GRM8: variants seen among roughly 807,000 people sequenced by gnomAD.
GRM8 encodes the protein metabotropic glutamate receptor 8.
A neutral mutation model predicts 87.2 loss-of-function variants in GRM8; 47 were observed. That is an observed-to-expected ratio of 0.54 (90% confidence interval 0.43 to 0.69). The LOEUF is 0.69. Ranked by LOEUF, GRM8 falls within the 30% of genes least tolerant of loss-of-function variation. GRM8 has a pLI of 0.00. For synonymous variants in GRM8, 396 were observed against 404.5 expected (o/e 0.98, Z 0.25); for missense variants, 1,019 against 1,139.2 (o/e 0.89, Z 1.52).
intron 7 of GRM8, among the ~76,000 whole-genome samples, chr7:126,681,336 C>G (rs1163957888): frequency 6.6e-6 from 1 of 152,202 alleles, no homozygotes; most frequent in Non-Finnish European, 1.5e-5. Flanking sequence ...CTCTGACCCC[C>G]TTCTAAGAGT....
chr7:126,864,848 T>G (rs1191359453), intron 6 of GRM8, among the ~76,000 whole-genome samples: 1 of 152,146 alleles, frequency 6.6e-6, no homozygotes, highest in African/African-American at 2.4e-5. Context: ...TGGTCTCTTC[T>G]GCTGGGACCC....
At chr7:126,900,707 A>T (rs997389614) in intron 6 of GRM8, among the ~76,000 whole-genome samples, 3 of 152,114 alleles carry the variant, frequency 2.0e-5, no homozygotes, top group Admixed American at 2.0e-4. Context: ...ATGGGTTTTC[A>T]CCATGTTGCC....
intron 7 of GRM8, among the ~76,000 whole-genome samples, chr7:126,710,173 C>T (rs1405410115): frequency 6.6e-6 from 1 of 152,162 alleles, no homozygotes; most frequent in Non-Finnish European, 1.5e-5. Flanking sequence ...TCTGAGGCTT[C>T]AGCAAATCAT....
At chr7:127,159,446 T>G (rs1163323694) in intron 2 of GRM8, among the ~76,000 whole-genome samples, 1 of 152,142 alleles carries the variant, frequency 6.6e-6, no homozygotes. Flanking sequence ...ACAAGGCAAC[T>G]ACTAACTTTA....
Position 126,904,442 on chromosome 7 carries a change from G to A in GRM8, c.863+106C>T, listed in dbSNP as rs919926961. ...AGATTTACAAACTAGAAGGCAGTCTGTTATTGGAAGGCAATTACAAGCTTT... is the reference window on the plus strand; with the variant it reads ...AGATTTACAAACTAGAAGGCAGTCTATTATTGGAAGGCAATTACAAGCTTT... On this transcript the variant is annotated intron_variant, in intron 4 of 10. Transcript: ENST00000339582. 3.6e-6 allele frequency: 4 copies of A among 1,096,890 alleles called. No homozygotes were observed. The Admixed American group carries it at 8.2e-5, about 23-fold the overall frequency. 67.9% of individuals were successfully genotyped at this position (1,096,890 alleles called of 1,614,324 possible). A position where few individuals can be genotyped will look rare whatever the true frequency, so the allele number is the denominator to read the frequency against.
rs75382946 is a variant in GRM8 at position 127,072,051 on chromosome 7, C to G, written c.727+34445G>C. Among the ~76,000 whole-genome samples, 1,143 of 150,842 alleles carry G rather than the reference C, an allele frequency of 7.6e-3. 11 individuals are homozygous for G. The highest frequency in any genetic ancestry group is 0.027 in the Admixed American group (410 of 15,160). On this transcript the variant is annotated intron_variant, in intron 3 of 10. Transcript: ENST00000339582. ...CTTACTCAAGCTGTCTTCAGTGCCG[C>G]TCTTCTTCCCACCGAGACATGGTGA...
At chr7:126,929,324 T>C (rs1429697997) in intron 3 of GRM8, among the ~76,000 whole-genome samples, 1 of 152,240 alleles carries the variant, frequency 6.6e-6, no homozygotes, top group Non-Finnish European at 1.5e-5. Context: ...GACCACATTC[T>C]ATAGCTGTGC....
intron 3 of GRM8, among the ~76,000 whole-genome samples, chr7:127,092,055 C>T (rs1484052271): frequency 7.7e-6 from 1 of 129,320 alleles, no homozygotes; most frequent in African/African-American, 3.0e-5. Context: ...TGGTCATCAC[C>T]TCGCCCCACT....
intron 7 of GRM8, among the ~76,000 whole-genome samples, chr7:126,689,853 C>T (rs1329989689): frequency 6.6e-6 from 1 of 152,216 alleles, no homozygotes; most frequent in Non-Finnish European, 1.5e-5. Context: ...TGCTACTGGA[C>T]TCAGAGAGGC....
intron 8 of GRM8, among the ~76,000 whole-genome samples, chr7:126,571,854 C>A (rs1156261324): frequency 6.6e-6 from 1 of 151,776 alleles, no homozygotes; most frequent in Non-Finnish European, 1.5e-5. Flanking sequence ...GATACTCCTG[C>A]CTCAGCCTCC....
At chr7:126,964,794 C>A in intron 3 of GRM8, among the ~76,000 whole-genome samples, 1 of 152,290 alleles carries the variant, frequency 6.6e-6, no homozygotes, top group East Asian at 1.9e-4. Context: ...TTTGACCCAG[C>A]AATTCCATTA....
intron 3 of GRM8, among the ~76,000 whole-genome samples, chr7:127,045,367 C>A (rs934873944): frequency 6.6e-6 from 1 of 150,428 alleles, no homozygotes; most frequent in Non-Finnish European, 1.5e-5. Context: ...ATCCCAATAT[C>A]TTCCACCAGG....
intron 3 of GRM8, chr7:127,075,997 T>C (rs567019900): frequency 2.5e-5 from 9 of 366,712 alleles, no homozygotes; most frequent in Admixed American, 6.9e-5. Flanking sequence ...TTGAATTGTA[T>C]GCTGGCCAAT....
intron 6 of GRM8, among the ~76,000 whole-genome samples, chr7:126,863,586 A>G (rs1798327701): frequency 6.6e-6 from 1 of 152,140 alleles, no homozygotes; most frequent in African/African-American, 2.4e-5. Flanking sequence ...AACCACCACA[A>G]AAAAACCTAC....
intron 6 of GRM8, among the ~76,000 whole-genome samples, chr7:126,854,551 G>A (rs1383391576): frequency 6.6e-6 from 1 of 152,324 alleles, no homozygotes; most frequent in African/African-American, 2.4e-5. Flanking sequence ...CCCAGGTGAT[G>A]TAGAAGCAGC....
intron 7 of GRM8, among the ~76,000 whole-genome samples, chr7:126,745,241 T>C (rs1456036392): frequency 4.0e-5 from 6 of 151,732 alleles, no homozygotes; most frequent in Admixed American, 3.9e-4. Flanking sequence ...TGAGTTTGAT[T>C]CTTATCTGTA....
chr7:127,169,500 G>T (rs1793658639), intron 2 of GRM8, among the ~76,000 whole-genome samples: 1 of 152,206 alleles, frequency 6.6e-6, no homozygotes, highest in Admixed American at 6.5e-5. Context: ...TGATGTAGAA[G>T]CTGCAGCAAG....
chr7:126,492,667 A>C (rs1808158992), intron 9 of GRM8, among the ~76,000 whole-genome samples: 1 of 152,100 alleles, frequency 6.6e-6, no homozygotes, highest in South Asian at 2.1e-4. Context: ...ATAAGAATTA[A>C]GATTCAACCC....
chr7:126,971,645 C>T (rs1810438634), intron 3 of GRM8, among the ~76,000 whole-genome samples: 1 of 152,078 alleles, frequency 6.6e-6, no homozygotes, highest in Admixed American at 6.6e-5. Context: ...TCTAGGAGGG[C>T]TATGAGTCCA....
Sources: gnomAD v4.1 joint callset for allele counts (sites outside exome capture counted in the v4.1 genomes callset) on GRCh38, gnomAD v4.1.1 for gene constraint, MANE v1.5 for transcripts, NCBI Gene and HGNC (gene_info 2026-07-23, HGNC 2026-07-21) for gene names.